The following CORIN variants were observed in gnomAD, a reference collection of about 807,000 sequenced individuals.
The protein encoded by CORIN is atrial natriuretic peptide-converting enzyme.
In CORIN, 117 loss-of-function variants were observed where a neutral mutation model predicts 125.3. That is an observed-to-expected ratio of 0.93 (90% CI 0.80 to 1.09). The LOEUF is 1.09. CORIN is among the 50% of genes least tolerant of loss of function. The pLI is 0.00. For missense variants in CORIN, 1,253 were observed against 1,306.7 expected (o/e 0.96, Z 0.63); for synonymous variants, 450 against 466.4 (o/e 0.96, Z 0.45).
At chr4:47,808,042 C>T (rs1374096335) in intron 1 of CORIN, among the ~76,000 whole-genome samples, 1 of 152,172 alleles carries the variant, frequency 6.6e-6, no homozygotes, top group Non-Finnish European at 1.5e-5. Context: ...CTACATATTT[C>T]CAATGCCTGG....
chr4:47,667,289 T>C (rs1350831377), intron 10 of CORIN, among the ~76,000 whole-genome samples: 1 of 152,172 alleles, frequency 6.6e-6, no homozygotes, highest in Non-Finnish European at 1.5e-5. Flanking sequence ...GGTATGTCTT[T>C]ATCAGCAGCG....
chr4:47,791,483 T>G (rs1031753469), intron 2 of CORIN, among the ~76,000 whole-genome samples: 2 of 152,154 alleles, frequency 1.3e-5, no homozygotes, highest in African/African-American at 4.8e-5. Context: ...CAATAAAAAA[T>G]TAATACAAGC....
At chr4:47,778,177 G>A (rs1432652631) in intron 3 of CORIN, among the ~76,000 whole-genome samples, 2 of 152,146 alleles carry the variant, frequency 1.3e-5, no homozygotes, top group African/African-American at 4.8e-5. Flanking sequence ...AGGAAATTGT[G>A]ATAATGAAGC....
intron 16 of CORIN, among the ~76,000 whole-genome samples, chr4:47,636,909 C>A (rs1195356295): frequency 6.6e-6 from 1 of 152,064 alleles, no homozygotes; most frequent in Non-Finnish European, 1.5e-5. Context: ...GGGTAACAGG[C>A]AGAATTTGGA....
chr4:47,659,042 T>C (rs183635249), intron 12 of CORIN, among the ~76,000 whole-genome samples: 10 of 152,306 alleles, frequency 6.6e-5, no homozygotes, highest in African/African-American at 2.4e-4. Context: ...AACAGATCCT[T>C]AGGGCATAAA....
intron 21 of CORIN, among the ~76,000 whole-genome samples, chr4:47,599,016 G>C (rs1236861571): frequency 2.0e-5 from 3 of 152,144 alleles, no homozygotes; most frequent in Non-Finnish European, 4.4e-5. Flanking sequence ...AGAGAGGTTA[G>C]ATAACTTCCC....
intron 4 of CORIN, among the ~76,000 whole-genome samples, chr4:47,753,926 T>C (rs1729022759): frequency 1.3e-5 from 2 of 152,174 alleles, no homozygotes. Context: ...CTGATAAATG[T>C]CCATGAAATC....
At chr4:47,694,850 G>A (rs1032241170) in intron 5 of CORIN, among the ~76,000 whole-genome samples, 1 of 151,432 alleles carries the variant, frequency 6.6e-6, no homozygotes. Context: ...TTGCCATAAA[G>A]CAGAAAAAAA....
chr4:47,627,895 A>T (rs186063964), intron 16 of CORIN, among the ~76,000 whole-genome samples: 2 of 152,278 alleles, frequency 1.3e-5, no homozygotes, highest in East Asian at 3.9e-4. Flanking sequence ...ATTAGGAGAG[A>T]GTGTGCACTG....
Position 47,732,459 on chromosome 4 carries a change from C to T in CORIN, c.799+11943G>A, listed in dbSNP as rs181469275. ...GGAAGTGCATACCCCAGCTCCCTCA[C>T]CCCTCTAGTAGACTAATTCTAAACC... is the stretch of plus-strand genomic sequence containing the variant. On this transcript the variant is annotated intron_variant, in intron 5 of 21. Coordinates refer to ENST00000273857, the MANE Select transcript of CORIN (RefSeq NM_006587.4). 1.8e-3 allele frequency among the ~76,000 whole-genome samples: 281 copies of T among 152,260 alleles called. 2 individuals are homozygous for T. The highest frequency in any genetic ancestry group is 6.2e-3 in the African/African-American group (256 of 41,546).
At chr4:47,785,733 G>A (rs1165617537) in intron 3 of CORIN, among the ~76,000 whole-genome samples, 3 of 151,910 alleles carry the variant, frequency 2.0e-5, no homozygotes, top group African/African-American at 7.2e-5. Context: ...CTAACATGGT[G>A]AAACCCTGTC....
chr4:47,817,480 T>G (rs1440942951), intron 1 of CORIN, among the ~76,000 whole-genome samples: 1 of 152,132 alleles, frequency 6.6e-6, no homozygotes, highest in African/African-American at 2.4e-5. Context: ...CTTTAGACTT[T>G]GGACAGTCTC....
At position 47,634,356 on chromosome 4, in the gene CORIN, G is replaced by A. The variant is rs114276216; in HGVS notation, c.2198+7564C>T. Among the ~76,000 whole-genome samples the A allele has an allele frequency of 8.1e-3, 1,232 of 152,350 alleles. 16 individuals carry two copies. Among genetic ancestry groups the A allele is most frequent in the African/African-American group, 0.028 (1,152 of 41,582 alleles). ...CAGGTCCAATCAAAATAAATCTTGGGCCGGGTGTGGCTCACGCCTGTAATC... is the reference window on the plus strand; with the variant it reads ...CAGGTCCAATCAAAATAAATCTTGGACCGGGTGTGGCTCACGCCTGTAATC... On this transcript the variant is annotated intron_variant, in intron 16 of 21. Transcript: ENST00000273857.
At chr4:47,630,736 T>C (rs1722772905) in intron 16 of CORIN, among the ~76,000 whole-genome samples, 1 of 152,224 alleles carries the variant, frequency 6.6e-6, no homozygotes, top group Non-Finnish European at 1.5e-5. Flanking sequence ...AATACAGAAC[T>C]CTTGGACTCC....
chr4:47,645,431 A>G (rs1723423767), intron 13 of CORIN, among the ~76,000 whole-genome samples: 1 of 150,554 alleles, frequency 6.6e-6, no homozygotes, highest in African/African-American at 2.5e-5. Flanking sequence ...AGTCTGGGCA[A>G]CAGAGCGAGA....
At chr4:47,678,975 A>T (rs1466816643) in intron 8 of CORIN, among the ~76,000 whole-genome samples, 1 of 152,218 alleles carries the variant, frequency 6.6e-6, no homozygotes, top group Non-Finnish European at 1.5e-5. Flanking sequence ...GACTTTTTAT[A>T]TGACTTTTCT....
chr4:47,837,843 C>A, intron 1 of CORIN, 44 bp downstream of exon 1: 1 of 1,536,518 alleles, frequency 6.5e-7, no homozygotes, highest in Non-Finnish European at 9.0e-7. Flanking sequence ...GACTAAGAGG[C>A]CATCACACCT....
chr4:47,801,923 G>A (rs1483386145), intron 2 of CORIN, among the ~76,000 whole-genome samples: 1 of 152,234 alleles, frequency 6.6e-6, no homozygotes, highest in Non-Finnish European at 1.5e-5. Context: ...AAGCTAGGTG[G>A]CTAAGGGAGT....
intron 4 of CORIN, among the ~76,000 whole-genome samples, chr4:47,758,661 A>T (rs538427959): frequency 6.6e-6 from 1 of 152,322 alleles, no homozygotes; most frequent in South Asian, 2.1e-4. Context: ...CATTTGTCAT[A>T]GGAAGTACTC....
Sources: allele counts gnomAD v4.1 joint callset (sites outside exome capture counted in the v4.1 genomes callset), GRCh38; gene constraint gnomAD v4.1.1; transcripts MANE v1.5; gene names NCBI Gene and HGNC (gene_info 2026-07-23, HGNC 2026-07-21).